Variants in GRID2 observed in about 807,000 individuals in gnomAD.
GRID2 encodes the protein glutamate receptor ionotropic, delta-2.
GRID2 carries 33 observed loss-of-function variants against 114.8 expected under a neutral mutation model. The observed-to-expected ratio is 0.29, with a 90% CI of 0.22 to 0.38. The LOEUF is 0.38. GRID2 is among the 10% of genes least tolerant of loss of function. The pLI, the probability that GRID2 is intolerant of heterozygous loss-of-function variation, is 1.00. For missense variants in GRID2, 1,184 were observed against 1,257.7 expected (o/e 0.94, Z 0.89); for synonymous variants, 505 against 449.9 (o/e 1.12, Z -1.55).
chr4:93,185,794 C>T (rs886537412), intron 4 of GRID2, among the ~76,000 whole-genome samples: 14 of 152,116 alleles, frequency 9.2e-5, no homozygotes, highest in African/African-American at 3.4e-4. Flanking sequence ...ATGTGCACTA[C>T]GTGCAGGTTT....
Position 93,769,325 on chromosome 4 carries a change from C to A in GRID2, c.2476C>A (p.Leu826Met). 1.2e-6 allele frequency: 2 copies of A among 1,614,120 alleles called. No individual in the cohort carries two copies. The highest frequency in any genetic ancestry group is 1.7e-6 in the Non-Finnish European group (2 of 1,179,990). The change falls in exon 15 of 16, where the codon CTG (leucine) becomes ATG (methionine). Residue 826 changes from leucine to methionine, a missense_variant. Transcript: ENST00000282020. ...GGACACAAAGCAGAAAGGAGGCGCC[C>A]TGGACATAAAGAGCTTTGCAGGGGT... is the stretch of plus-strand genomic sequence containing the variant. ...SVDTKQKGGA[L>M]DIKSFAGVFC...
intron 2 of GRID2, among the ~76,000 whole-genome samples, chr4:92,707,002 A>G (rs1051135054): frequency 2.0e-5 from 3 of 152,152 alleles, no homozygotes; most frequent in African/African-American, 4.8e-5. Context: ...TTACAAACAT[A>G]GGACCACTTA....
At chr4:93,782,057 C>G (rs1347962823) in intron 1 of GRID2, among the ~76,000 whole-genome samples, 1 of 152,160 alleles carries the variant, frequency 6.6e-6, no homozygotes, top group Non-Finnish European at 1.5e-5. Flanking sequence ...CAAAATAGTA[C>G]AGAAGAACCC....
At chr4:92,545,315 C>T (rs916749528) in intron 1 of GRID2, among the ~76,000 whole-genome samples, 1 of 152,048 alleles carries the variant, frequency 6.6e-6, no homozygotes, top group African/African-American at 2.4e-5. Context: ...ATTCTAGGTC[C>T]CCATGGATAG....
intron 14 of GRID2, among the ~76,000 whole-genome samples, chr4:93,753,497 C>T (rs1011657802): frequency 3.3e-5 from 5 of 152,156 alleles, no homozygotes; most frequent in Non-Finnish European, 7.3e-5. Context: ...TCCCTCCTCC[C>T]CCTACCCCAT....
In GRID2 at chr4:92,487,061, C is replaced by G. The variant is rs894384690; in HGVS notation, c.89-103070C>G. ...CTGATATTTGTGATTTGTACATTCT[C>G]TTTTTTGTTATGATCTATCTGGTTA... On this transcript the variant is annotated intron_variant, in intron 1 of 15. Coordinates refer to ENST00000282020, the MANE Select transcript of GRID2 (RefSeq NM_001510.4). Among the ~76,000 whole-genome samples, 53 of 151,842 alleles carry G rather than the reference C, an allele frequency of 3.5e-4. 1 individual carries two copies.
intron 8 of GRID2, among the ~76,000 whole-genome samples, chr4:93,387,059 TATTGCCTAGGGCAGGGCAAA>T (rs902339348): frequency 5.3e-5 from 8 of 152,320 alleles, no homozygotes; most frequent in African/African-American, 1.9e-4. Flanking sequence ...AAAGCCTTTG[TATTGCCTAGGGCAGGGCAAA>T]ATCATACAGA....
chr4:93,638,088 T>G (rs926150079), intron 14 of GRID2, among the ~76,000 whole-genome samples: 1 of 152,130 alleles, frequency 6.6e-6, no homozygotes, highest in Admixed American at 6.6e-5. Flanking sequence ...TTTCTGTCTT[T>G]GTGAACGTAG....
chr4:92,735,919 TAAAG>T (rs1223682482), intron 2 of GRID2, among the ~76,000 whole-genome samples: 2 of 152,034 alleles, frequency 1.3e-5, no homozygotes, highest in East Asian at 3.9e-4. Context: ...AAATATTTCT[TAAAG>T]AAAAAGTTCT....
At chr4:93,003,929 T>C (rs1000513639) in intron 2 of GRID2, among the ~76,000 whole-genome samples, 3 of 151,942 alleles carry the variant, frequency 2.0e-5, no homozygotes, top group Non-Finnish European at 4.4e-5. Context: ...GTTGACTTTT[T>C]AAAAATAAAA....
chr4:92,580,890 GTTT>G, intron 1 of GRID2, among the ~76,000 whole-genome samples: 1 of 113,232 alleles, frequency 8.8e-6, no homozygotes, highest in East Asian at 2.7e-4. Flanking sequence ...TTGCCTATTT[GTTT>G]TTTTTTTTTT....
chr4:92,916,868 T>G (rs1303793249), intron 2 of GRID2, among the ~76,000 whole-genome samples: 1 of 152,166 alleles, frequency 6.6e-6, no homozygotes, highest in African/African-American at 2.4e-5. Flanking sequence ...ATCCTTTGGG[T>G]ATATACCCAG....
intron 2 of GRID2, among the ~76,000 whole-genome samples, chr4:92,616,579 A>G (rs895757064): frequency 1.3e-5 from 2 of 151,386 alleles, no homozygotes; most frequent in Non-Finnish European, 3.0e-5. Flanking sequence ...CCCCTCTTTC[A>G]GAGACTCTTA....
At chr4:93,516,216 C>T (rs1259282548) in intron 13 of GRID2, among the ~76,000 whole-genome samples, 1 of 152,106 alleles carries the variant, frequency 6.6e-6, no homozygotes, top group Non-Finnish European at 1.5e-5. Context: ...CCTTCCACTG[C>T]AGAATAATTT....
intron 4 of GRID2, among the ~76,000 whole-genome samples, chr4:93,138,096 C>T (rs969099469): frequency 5.3e-5 from 8 of 151,530 alleles, no homozygotes; most frequent in Non-Finnish European, 1.0e-4. Context: ...CCTGAGCCCC[C>T]CAAGTAACTG....
chr4:93,364,134 A>G (rs562930072), intron 8 of GRID2, among the ~76,000 whole-genome samples: 33 of 152,252 alleles, frequency 2.2e-4, no homozygotes, highest in African/African-American at 7.7e-4. Context: ...AGACATATAT[A>G]CATTTTCAAC....
intron 1 of GRID2, among the ~76,000 whole-genome samples, chr4:92,441,822 G>GA (rs1733105131): frequency 6.7e-6 from 1 of 149,084 alleles, no homozygotes; most frequent in Non-Finnish European, 1.5e-5. Context: ...AAGGTGGGGG[G>GA]ATACAAGAGG....
chr4:93,716,923 T>C (rs925770335), intron 14 of GRID2, among the ~76,000 whole-genome samples: 3 of 152,080 alleles, frequency 2.0e-5, no homozygotes, highest in Non-Finnish European at 4.4e-5. Context: ...TAAAAACGCA[T>C]AGTCAGGGTC....
chr4:92,442,998 T>C (rs1325443597), intron 1 of GRID2, among the ~76,000 whole-genome samples: 1 of 151,968 alleles, frequency 6.6e-6, no homozygotes, highest in Admixed American at 6.6e-5. Flanking sequence ...GGGACCTAGC[T>C]CGGCCTGGCG....
Sources: allele counts gnomAD v4.1 joint callset (sites outside exome capture counted in the v4.1 genomes callset), GRCh38; gene constraint gnomAD v4.1.1; transcripts MANE v1.5; gene names NCBI Gene and HGNC (gene_info 2026-07-23, HGNC 2026-07-21).